The following ZSCAN2 variants were observed in gnomAD, a reference collection of about 807,000 sequenced individuals.
The protein encoded by ZSCAN2 is zinc finger and SCAN domain-containing protein 2.
ZSCAN2 carries 26 observed loss-of-function variants against 47.8 expected under a neutral mutation model. The ratio of observed to expected loss-of-function variants is 0.54; its 90% confidence interval spans 0.40 to 0.75. The LOEUF (loss-of-function observed/expected upper bound fraction) is 0.75. ZSCAN2 is among the 30% of genes least tolerant of loss of function. The pLI, the probability that ZSCAN2 is intolerant of heterozygous loss-of-function variation, is 0.00. For synonymous variants in ZSCAN2, 305 were observed against 288.7 expected (o/e 1.06, Z -0.57); for missense variants, 732 against 785.4 (o/e 0.93, Z 0.81).
rs140833125 is a variant in ZSCAN2, at chr15:84,615,900, C to T, written c.407-4702C>T. Among the ~76,000 whole-genome samples the T allele has an allele frequency of 1.4e-3, 208 of 152,110 alleles. 1 individual carries two copies. The highest frequency in any genetic ancestry group is 6.8e-3 in the Middle Eastern group (2 of 294). ...GGTATTCCTTTATAAAGGCAGTTGC[C>T]TCATTTAATTATTTTTATGGATGGA... On this transcript the variant is annotated intron_variant, in intron 2 of 2. Coordinates refer to ENST00000546148, the MANE Select transcript of ZSCAN2 (RefSeq NM_181877.4).
At chr15:84,602,652 G>A (rs919774804) in intron 1 of ZSCAN2, among the ~76,000 whole-genome samples, 2 of 141,416 alleles carry the variant, frequency 1.4e-5, no homozygotes, top group Non-Finnish European at 3.0e-5. Context: ...GCAGTGGCAC[G>A]ATCTCGGCTC....
chr15:84,621,343 T>C lies in ZSCAN2; in HGVS notation c.1148T>C (p.Ile383Thr). The C allele has an allele frequency of 6.2e-7, 1 of 1,612,630 alleles. No homozygotes were observed. Among genetic ancestry groups the C allele is most frequent in the Non-Finnish European group, 8.5e-7 (1 of 1,179,604 alleles). ...TCCAATCTAATCAGACACCAGAGAA[T>C]CCACACAGGAGAGAAACCCTACAAA... ...YNSNLIRHQR[I>T]HTGEKPYKCT... is the part of the protein sequence containing the mutation. The change falls in exon 3 of 3, where the codon ATC (isoleucine) becomes ACC (threonine). Residue 383 changes from isoleucine to threonine, a missense_variant. Physicochemically the swap from Ile to Thr is moderately conservative, Grantham distance 89. Coordinates refer to ENST00000546148, the MANE Select transcript of ZSCAN2 (RefSeq NM_181877.4). This position sits in a 1 kb window ranked among gnomAD's most constrained non-coding sequence, Gnocchi z 5.7.
Position 84,602,587 on chromosome 15 carries a change from C to CTT in ZSCAN2, c.-108-1215_-108-1214dup, listed in dbSNP as rs981357914. Among the ~76,000 whole-genome samples the CTT allele has an allele frequency of 1.8e-3, 212 of 115,714 alleles. 3 individuals carry two copies. Among genetic ancestry groups the CTT allele is most frequent in the Admixed American group, 3.7e-3 (38 of 10,210 alleles). The allele number at this position is 115,714 out of a possible 152,430, so 75.9% of individuals were successfully genotyped here. On this transcript the variant is annotated intron_variant, in intron 1 of 2. Transcript: ENST00000546148. ...CTTTTCTTTTTTTTCCTTTTCTTTT[C>CTT]TTTTTTTTTTTTTTTTTTTGAGACA...
Position 84,604,265 on chromosome 15 carries a change from A to G in ZSCAN2, c.338A>G (p.His113Arg), listed in dbSNP as rs1895306678. Residue 113 changes from histidine to arginine, a missense_variant, in exon 2 of 3, where the codon CAT becomes CGT. Transcript: ENST00000546148. Reference sequence around the variant, plus strand: ...GAAATTCAGGCTTGGCTGCAAGAGCATCGGCCTGAAAGCAGTGAGGAGGCA... The same window carrying G: ...GAAATTCAGGCTTGGCTGCAAGAGCGTCGGCCTGAAAGCAGTGAGGAGGCA... ...PKEIQAWLQE[H>R]RPESSEEAAA... 2 of 1,614,178 alleles carry G rather than the reference A, an allele frequency of 1.2e-6. No homozygotes were observed. Among genetic ancestry groups the G allele is most frequent in the South Asian group, 1.1e-5 (1 of 91,086 alleles).
chr15:84,621,370 G>A lies in ZSCAN2; in HGVS notation c.1175G>A (p.Cys392Tyr), dbSNP rs1895812417. ...CACACAGGAGAGAAACCCTACAAAT[G>A]TACCGACTGTGGGCAGAGGTTCAGC... ...RIHTGEKPYK[C>Y]TDCGQRFSQS... The change falls in exon 3 of 3, where the codon TGT (cysteine) becomes TAT (tyrosine). Residue 392 changes from cysteine to tyrosine, a missense_variant. By Grantham distance (194) the Cys-to-Tyr change is radical. Transcript: ENST00000546148. This position sits in a 1 kb window ranked among gnomAD's most constrained non-coding sequence, Gnocchi z 5.7. The A allele has an allele frequency of 6.2e-7, 1 of 1,614,026 alleles. No individual in the cohort carries two copies. Among genetic ancestry groups the A allele is most frequent in the Non-Finnish European group, 8.5e-7 (1 of 1,180,026 alleles).
chr15:84,610,825 T>A (rs117712475), intron 2 of ZSCAN2, among the ~76,000 whole-genome samples: 235 of 152,110 alleles, frequency 1.5e-3, no homozygotes, highest in Non-Finnish European at 2.9e-3. Flanking sequence ...ATACTGTGAA[T>A]CAAAAGACAG....
At chr15:84,602,119 A>C (rs1442894705) in intron 1 of ZSCAN2, 2 of 151,814 alleles carry the variant, frequency 1.3e-5, no homozygotes, top group African/African-American at 2.4e-5. Context: ...ACGCCTGGCT[A>C]ATTTTGTTTT....
intron 2 of ZSCAN2, among the ~76,000 whole-genome samples, chr15:84,620,324 T>G (rs1220145260): frequency 6.6e-6 from 1 of 152,246 alleles, no homozygotes; most frequent in Non-Finnish European, 1.5e-5. Context: ...GTACTACATT[T>G]TCTTCATCCA....
chr15:84,607,655 C>T (rs545611293), intron 2 of ZSCAN2, among the ~76,000 whole-genome samples: 18 of 152,208 alleles, frequency 1.2e-4, no homozygotes, highest in South Asian at 2.1e-4. Context: ...ATTACAGGTG[C>T]GTGCTACCGT....
In ZSCAN2 at chr15:84,621,393, A is replaced by C. The variant is rs775866619; in HGVS notation, c.1198A>C (p.Ser400Arg). 2.5e-6 allele frequency: 4 copies of C among 1,614,090 alleles called. No individual in the cohort carries two copies. The highest frequency in any genetic ancestry group is 3.4e-6 in the Non-Finnish European group (4 of 1,180,034). ...YKCTDCGQRF[S>R]QSSALITHRR... Reference sequence around the variant, plus strand: ...ATGTACCGACTGTGGGCAGAGGTTCAGCCAGAGTTCAGCCCTCATCACCCA... The same window carrying C: ...ATGTACCGACTGTGGGCAGAGGTTCCGCCAGAGTTCAGCCCTCATCACCCA... Residue 400 changes from serine (S) to arginine (R), a missense_variant, in exon 3 of 3, where the codon AGC becomes CGC. Transcript: ENST00000546148. This position sits in a 1 kb window ranked among gnomAD's most constrained non-coding sequence, Gnocchi z 5.7.
intron 2 of ZSCAN2, among the ~76,000 whole-genome samples, chr15:84,609,268 T>C (rs1895473981): frequency 6.7e-6 from 1 of 149,218 alleles, no homozygotes; most frequent in Non-Finnish European, 1.5e-5. Context: ...TATACACATA[T>C]ATATCTATGA....
At chr15:84,612,471 A>G (rs905073670) in intron 2 of ZSCAN2, among the ~76,000 whole-genome samples, 1 of 152,234 alleles carries the variant, frequency 6.6e-6, no homozygotes, top group African/African-American at 2.4e-5. Context: ...GCGGTAGCTC[A>G]TGCCTGTAAT....
At chr15:84,603,748 C>T in intron 1 of ZSCAN2, 72 bp from the exon 2 acceptor site, 1 of 669,814 alleles carries the variant, frequency 1.5e-6, no homozygotes, top group Non-Finnish European at 2.4e-6. Flanking sequence ...GTGGTCTGAC[C>T]TGGGCTTTTG....
chr15:84,620,638 A>T lies in ZSCAN2; in HGVS notation c.443A>T (p.Asn148Ile). 2.5e-6 allele frequency: 4 copies of T among 1,612,666 alleles called. No individual in the cohort carries two copies. The highest frequency in any genetic ancestry group is 3.4e-6 in the Non-Finnish European group (4 of 1,178,700). ...EIQSENGENC[N>I]QDMFENESRK... is the part of the protein sequence containing the mutation. ...CAGAGTGAAAATGGGGAGAACTGTAATCAAGACATGTTTGAGAATGAATCA... is the reference window on the plus strand; with the variant it reads ...CAGAGTGAAAATGGGGAGAACTGTATTCAAGACATGTTTGAGAATGAATCA... The change falls in exon 3 of 3, where the codon AAT (asparagine) becomes ATT (isoleucine). Residue 148 changes from asparagine to isoleucine, a missense_variant. Physicochemically the swap from Asn to Ile is moderately radical, Grantham distance 149 (BLOSUM62 -3). Transcript: ENST00000546148.
At chr15:84,617,640 T>C (rs530971719) in intron 2 of ZSCAN2, among the ~76,000 whole-genome samples, 1 of 151,004 alleles carries the variant, frequency 6.6e-6, no homozygotes, top group Non-Finnish European at 1.5e-5. Flanking sequence ...TTTTCAACTT[T>C]AAAGGTGATC....
chr15:84,621,816 C>G lies in ZSCAN2; in HGVS notation c.1621C>G (p.Arg541Gly). 1 of 1,614,108 alleles carries G rather than the reference C, an allele frequency of 6.2e-7. No individual in the cohort carries two copies. Among genetic ancestry groups the G allele is most frequent in the Non-Finnish European group, 8.5e-7 (1 of 1,180,022 alleles). The change falls in exon 3 of 3, where the codon CGG (arginine) becomes GGG (glycine). Residue 541 changes from arginine (R) to glycine (G), a missense_variant. This residue lies in a region of ZSCAN2 where 412 missense variants were observed against 498.0 expected (regional missense o/e 0.83). Transcript: ENST00000546148. This position sits in a 1 kb window ranked among gnomAD's most constrained non-coding sequence, Gnocchi z 5.7. The stretch of plus-strand genomic sequence containing the variant: ...CCTCATGTGCGGCAAGAGCTTCAGC[C>G]GGGGCTCCATTCTGGTCATGCACCA... ...KCLMCGKSFS[R>G]GSILVMHQRA...
chr15:84,613,013 G>A (rs977740225), intron 2 of ZSCAN2, among the ~76,000 whole-genome samples: 1 of 152,146 alleles, frequency 6.6e-6, no homozygotes, highest in East Asian at 1.9e-4. Flanking sequence ...GGATTTGTCC[G>A]TTTCTGGGTC....
At position 84,622,596 on chromosome 15, in the gene ZSCAN2, C is replaced by G; in HGVS notation, c.*556C>G. ...ATTTCAGGTCAAGATGGAGGGGCTTCTCCAGTTCTGAGTCACCCACGTGAA... is the reference window on the plus strand; with the variant it reads ...ATTTCAGGTCAAGATGGAGGGGCTTGTCCAGTTCTGAGTCACCCACGTGAA... On this transcript the variant is annotated 3_prime_UTR_variant, in exon 3 of 3. Coordinates refer to ENST00000546148, the MANE Select transcript of ZSCAN2 (RefSeq NM_181877.4). The G allele has an allele frequency of 1.4e-6, 1 of 717,308 alleles. No individual in the cohort carries two copies. The highest frequency in any genetic ancestry group is 1.5e-5 in the South Asian group (1 of 67,568). 44.4% of individuals were successfully genotyped at this position (717,308 alleles called of 1,614,324 possible). A position where few individuals can be genotyped will look rare whatever the true frequency, so the allele number is the denominator to read the frequency against.
chr15:84,601,522 A>G (rs1024938745), intron 1 of ZSCAN2, among the ~76,000 whole-genome samples: 1 of 152,194 alleles, frequency 6.6e-6, no homozygotes, highest in African/African-American at 2.4e-5. Flanking sequence ...CCAAGTAGGA[A>G]GAGTTCTCTT....
Sources: gnomAD v4.1 joint callset for allele counts (sites outside exome capture counted in the v4.1 genomes callset) on GRCh38, gnomAD v4.1.1 for gene constraint, gnomAD v4.1.1 regional missense constraint, Gnocchi (gnomAD v3.1) non-coding constraint, MANE v1.5 for transcripts, NCBI Gene and HGNC (gene_info 2026-07-23, HGNC 2026-07-21) for gene names.